AOPEP: variants seen among roughly 807,000 people sequenced by gnomAD.
AOPEP encodes the protein aminopeptidase O (putative).
Under a neutral mutation model 98.1 loss-of-function variants are expected in AOPEP, and 77 were observed. The observed-to-expected ratio is 0.78, with a 90% CI of 0.65 to 0.95. The LOEUF is 0.95. Among genes scored for constraint, AOPEP ranks in the 40% least tolerant of loss-of-function variants. The pLI, the probability that AOPEP is intolerant of heterozygous loss-of-function variation, is 0.00. For missense variants in AOPEP, 1,024 were observed against 1,024.7 expected, an observed-to-expected ratio of 1.00 and a Z score of 0.01; for synonymous variants, 346 against 365.3, an observed-to-expected ratio of 0.95 and a Z score of 0.60.
chr9:94,800,534 G>C (rs969152105), intron 4 of AOPEP, among the ~76,000 whole-genome samples: 2 of 152,142 alleles, frequency 1.3e-5, no homozygotes, highest in African/African-American at 2.4e-5. Flanking sequence ...TCTTATCTTA[G>C]ATTGAAGCTA....
intron 5 of AOPEP, among the ~76,000 whole-genome samples, chr9:94,817,485 C>A (rs1053081675): frequency 1.3e-5 from 2 of 152,196 alleles, no homozygotes; most frequent in African/African-American, 4.8e-5. Flanking sequence ...AGACAAGCAT[C>A]CTTGTTCCCT....
chr9:95,005,493 G>T (rs773217746), intron 12 of AOPEP, 49 bp from the exon 13 acceptor site: 1 of 1,543,032 alleles, frequency 6.5e-7, no homozygotes, highest in East Asian at 2.2e-5. Flanking sequence ...GGGGATGGCC[G>T]TCAGGACCCT....
At chr9:94,922,826 T>G (rs187853906) in intron 5 of AOPEP, among the ~76,000 whole-genome samples, 1 of 152,338 alleles carries the variant, frequency 6.6e-6, no homozygotes, top group Non-Finnish European at 1.5e-5. Context: ...CTGTCTGTTT[T>G]GGCAGACATG....
At chr9:95,008,888 C>T (rs2062257150) in intron 13 of AOPEP, among the ~76,000 whole-genome samples, 1 of 152,190 alleles carries the variant, frequency 6.6e-6, no homozygotes, top group Non-Finnish European at 1.5e-5. Context: ...CCTGGTATGA[C>T]TGAATTCTTT....
chr9:94,740,809 A>G (rs1832898575), intron 1 of AOPEP, among the ~76,000 whole-genome samples: 1 of 152,246 alleles, frequency 6.6e-6, no homozygotes, highest in Non-Finnish European at 1.5e-5. Context: ...AGCAAGCTGG[A>G]AAATTCCTGT....
chr9:94,990,882 C>T (rs12236203), intron 11 of AOPEP, among the ~76,000 whole-genome samples: 10,108 of 152,212 alleles, frequency 0.066, 811 homozygotes, highest in African/African-American at 0.19. Flanking sequence ...CCTGCCTCAG[C>T]CCCCCAAAGT....
At chr9:94,828,827 T>A (rs1482550463) in intron 5 of AOPEP, among the ~76,000 whole-genome samples, 1 of 151,382 alleles carries the variant, frequency 6.6e-6, no homozygotes, top group East Asian at 1.9e-4. Flanking sequence ...TCTTATTATA[T>A]GTATTTCTTA....
intron 9 of AOPEP, among the ~76,000 whole-genome samples, chr9:94,961,361 T>C (rs1346320400): frequency 6.6e-6 from 1 of 152,228 alleles, no homozygotes; most frequent in Non-Finnish European, 1.5e-5. Flanking sequence ...AATAAGTATG[T>C]CTTCATTGTA....
the AOPEP span, among the ~76,000 whole-genome samples, chr9:95,147,637 G>T: frequency 6.6e-6 from 1 of 152,126 alleles, no homozygotes; most frequent in Admixed American, 6.6e-5. Context: ...AAAATGTGAG[G>T]AAAGTTATTT....
intron 1 of AOPEP, among the ~76,000 whole-genome samples, chr9:94,733,913 G>A (rs1831142856): frequency 6.6e-6 from 1 of 152,078 alleles, no homozygotes; most frequent in Non-Finnish European, 1.5e-5. Context: ...TTGATGAGGT[G>A]GATTCAAAAC....
At chr9:94,801,092 C>A in intron 5 of AOPEP, 90 bp downstream of exon 5, 1 of 1,452,034 alleles carries the variant, frequency 6.9e-7, no homozygotes, top group Non-Finnish European at 9.6e-7. Context: ...TCAGAGCAGT[C>A]ATTTGATTAG....
At chr9:94,961,265 G>T (rs897542109) in intron 9 of AOPEP, among the ~76,000 whole-genome samples, 1 of 152,062 alleles carries the variant, frequency 6.6e-6, no homozygotes, top group Non-Finnish European at 1.5e-5. Flanking sequence ...AAATGGCTTG[G>T]TGTCTATGGT....
chr9:94,906,455 A>AAATAATAATAATAATAATAAT (rs5741511), intron 5 of AOPEP, among the ~76,000 whole-genome samples: 56 of 114,342 alleles, frequency 4.9e-4, no homozygotes, highest in East Asian at 1.6e-3. Flanking sequence ...ACCCTGTCTG[A>AAATAATAATAATAATAATAAT]AATAATAATA....
chr9:94,942,548 A>T (rs2057122285), intron 7 of AOPEP, among the ~76,000 whole-genome samples: 1 of 152,162 alleles, frequency 6.6e-6, no homozygotes, highest in Non-Finnish European at 1.5e-5. Flanking sequence ...GTACTATTCA[A>T]CATTGTACTG....
intron 5 of AOPEP, among the ~76,000 whole-genome samples, chr9:94,827,403 C>G (rs911511566): frequency 2.0e-5 from 3 of 152,150 alleles, no homozygotes; most frequent in Non-Finnish European, 4.4e-5. Context: ...ACATTTTCGT[C>G]CACTGAAGCC....
intron 5 of AOPEP, among the ~76,000 whole-genome samples, chr9:94,910,460 ATCT>A (rs1048021214): frequency 3.3e-5 from 5 of 152,030 alleles, no homozygotes; most frequent in Admixed American, 2.6e-4. Context: ...TCAACCGCGG[ATCT>A]TCTTGGGCTC....
intron 9 of AOPEP, among the ~76,000 whole-genome samples, chr9:94,962,847 C>G (rs2058944494): frequency 6.6e-6 from 1 of 151,540 alleles, no homozygotes; most frequent in Non-Finnish European, 1.5e-5. Flanking sequence ...ATTCTCCCGC[C>G]ATTCTCCTGC....
intron 12 of AOPEP, 139 bp downstream of exon 12, chr9:95,005,359 C>A: frequency 1.3e-6 from 1 of 755,172 alleles, no homozygotes; most frequent in African/African-American, 1.9e-5. Flanking sequence ...GGGGAGCGGC[C>A]GTGACGAAGG....
chr9:94,991,265 TG>T, intron 11 of AOPEP, among the ~76,000 whole-genome samples: 1 of 152,340 alleles, frequency 6.6e-6, no homozygotes, highest in South Asian at 2.1e-4. Flanking sequence ...AGCCATTATG[TG>T]GTACCAAATA....
Sources: gnomAD v4.1 joint callset for allele counts (sites outside exome capture counted in the v4.1 genomes callset) on GRCh38, gnomAD v4.1.1 for gene constraint, MANE v1.5 for transcripts, NCBI Gene and HGNC (gene_info 2026-07-23, HGNC 2026-07-21) for gene names.